DNM3: variants seen among roughly 807,000 people sequenced by gnomAD.
DNM3 encodes dynamin-3.
A neutral mutation model predicts 101.6 loss-of-function variants in DNM3; 47 were observed. The observed-to-expected ratio is 0.46, with a 90% CI of 0.37 to 0.59. DNM3 has a LOEUF of 0.59. Ranked by LOEUF, DNM3 falls within the 20% of genes least tolerant of loss-of-function variation. The probability of loss-of-function intolerance (pLI) is 0.00; values close to 1 mark genes in which losing one functional copy is unlikely to be tolerated. For synonymous variants in DNM3, 385 were observed against 387.9 expected, an observed-to-expected ratio of 0.99 and a Z score of 0.09; for missense variants, 849 against 1,085.7, an observed-to-expected ratio of 0.78 and a Z score of 3.06.
intron 20 of DNM3, among the ~76,000 whole-genome samples, chr1:172,401,436 C>T (rs944829223): frequency 5.3e-5 from 8 of 152,138 alleles, no homozygotes. Flanking sequence ...ATTATATTAC[C>T]ATTTATGTCA....
chr1:172,167,965 C>G (rs2058811525), intron 14 of DNM3, among the ~76,000 whole-genome samples: 1 of 151,854 alleles, frequency 6.6e-6, no homozygotes, highest in South Asian at 2.1e-4. Flanking sequence ...AGATTAATTC[C>G]TGACGCTTTG....
At position 172,408,870 on chromosome 1, in the gene DNM3, G is replaced by GAATAATCACATTTATTATAATAATAAAT. The variant is rs2071061141; in HGVS notation, c.*1029_*1030insAATAATCACATTTATTATAATAATAAAT. 1.0e-6 allele frequency: 1 copy of GAATAATCACATTTATTATAATAATAAAT among 985,134 alleles called. No individual in the cohort carries two copies. Among genetic ancestry groups the GAATAATCACATTTATTATAATAATAAAT allele is most frequent in the Non-Finnish European group, 1.2e-6 (1 of 829,866 alleles). The allele number at this position is 985,134 out of a possible 1,614,324, so 61.0% of individuals were successfully genotyped here. A position where few individuals can be genotyped will look rare whatever the true frequency, so the allele number is the denominator to read the frequency against. ...CTAGGCTTTCTTAATAAATCTTGAG[G>GAATAATCACATTTATTATAATAATAAAT]CTATGGGATAATCACATTTAAAGAA... On this transcript the variant is annotated 3_prime_UTR_variant, in exon 21 of 21. Transcript: ENST00000627582.
chr1:172,362,936 C>T (rs1047070042), intron 17 of DNM3, among the ~76,000 whole-genome samples: 1 of 151,842 alleles, frequency 6.6e-6, no homozygotes, highest in Non-Finnish European at 1.5e-5. Context: ...TCTAAAGTAG[C>T]CTGGGATGAT....
At chr1:172,407,005 C>T (rs1464014627) in intron 20 of DNM3, among the ~76,000 whole-genome samples, 1 of 151,770 alleles carries the variant, frequency 6.6e-6, no homozygotes, top group Non-Finnish European at 1.5e-5. Flanking sequence ...AATGTAGAAG[C>T]TTGAGGAATA....
At chr1:171,973,564 G>C (rs540574985) in intron 2 of DNM3, among the ~76,000 whole-genome samples, 2 of 151,982 alleles carry the variant, frequency 1.3e-5, no homozygotes, top group Admixed American at 1.3e-4. Context: ...CTATGAAAGA[G>C]ACACTATTTT....
chr1:172,133,010 G>T (rs2057023746), intron 14 of DNM3: 1 of 1,519,224 alleles, frequency 6.6e-7, no homozygotes, highest in African/African-American at 1.4e-5. Context: ...ACAAATAAAG[G>T]CAAGAATCCC....
chr1:172,226,788 G>C (rs2061138694), intron 14 of DNM3, among the ~76,000 whole-genome samples: 1 of 152,044 alleles, frequency 6.6e-6, no homozygotes, highest in African/African-American at 2.4e-5. Flanking sequence ...CGATAATGAT[G>C]CAAGTCATAT....
At chr1:172,026,100 G>C (rs1453627009) in intron 4 of DNM3, among the ~76,000 whole-genome samples, 1 of 152,112 alleles carries the variant, frequency 6.6e-6, no homozygotes, top group African/African-American at 2.4e-5. Flanking sequence ...AACCAGTTTA[G>C]AGAAGAACAT....
At chr1:172,314,210 C>G (rs995858441) in intron 16 of DNM3, among the ~76,000 whole-genome samples, 1 of 152,166 alleles carries the variant, frequency 6.6e-6, no homozygotes, top group Non-Finnish European at 1.5e-5. Flanking sequence ...ACCCAAATGC[C>G]CATCAACGAT....
intron 14 of DNM3, among the ~76,000 whole-genome samples, chr1:172,178,632 T>A (rs1287459512): frequency 6.6e-6 from 1 of 151,336 alleles, no homozygotes; most frequent in Admixed American, 6.6e-5. Context: ...AGAGAAAGGG[T>A]GTGCAAGAGA....
intron 14 of DNM3, among the ~76,000 whole-genome samples, chr1:172,142,494 A>G (rs556333419): frequency 3.6e-4 from 55 of 152,218 alleles, no homozygotes; most frequent in African/African-American, 1.3e-3. Flanking sequence ...AAGCATGTGC[A>G]GGAACTCCTT....
At chr1:172,013,795 G>A (rs2047276498) in intron 4 of DNM3, among the ~76,000 whole-genome samples, 1 of 152,076 alleles carries the variant, frequency 6.6e-6, no homozygotes, top group South Asian at 2.1e-4. Context: ...TTTGACTGAG[G>A]CTTAGTATTG....
At chr1:172,393,565 G>GA (rs1412183197) in intron 20 of DNM3, 1 of 152,114 alleles carries the variant, frequency 6.6e-6, no homozygotes, top group East Asian at 2.0e-4. Flanking sequence ...GTCATGTACT[G>GA]AAAACCTCCT....
At chr1:172,039,579 A>G (rs1213777367) in intron 7 of DNM3, among the ~76,000 whole-genome samples, 1 of 151,948 alleles carries the variant, frequency 6.6e-6, no homozygotes, top group African/African-American at 2.4e-5. Context: ...TTTAGGCCCT[A>G]GGTCATTATC....
intron 3 of DNM3, among the ~76,000 whole-genome samples, chr1:171,988,340 G>A (rs1484775311): frequency 6.6e-6 from 1 of 152,002 alleles, no homozygotes; most frequent in East Asian, 1.9e-4. Context: ...TAGCTCTATT[G>A]CTTTTAAAAC....
chr1:171,874,556 A>T (rs1374183229), intron 1 of DNM3, among the ~76,000 whole-genome samples: 1 of 152,222 alleles, frequency 6.6e-6, no homozygotes, highest in Non-Finnish European at 1.5e-5. Flanking sequence ...TATCATCAAA[A>T]TATAATATTC....
intron 2 of DNM3, among the ~76,000 whole-genome samples, chr1:171,934,099 T>C (rs2041234043): frequency 1.3e-5 from 2 of 152,248 alleles, no homozygotes; most frequent in Non-Finnish European, 2.9e-5. Context: ...CTCCTAGTTG[T>C]GATGAAAATG....
chr1:172,169,143 A>G (rs2058856582), intron 14 of DNM3, among the ~76,000 whole-genome samples: 1 of 151,748 alleles, frequency 6.6e-6, no homozygotes, highest in African/African-American at 2.4e-5. Context: ...ATCCTTCCCT[A>G]TTTCTGCAAT....
At chr1:172,131,954 C>T (rs2056960457) in intron 14 of DNM3, 1 of 180,760 alleles carries the variant, frequency 5.5e-6, no homozygotes, top group African/African-American at 2.4e-5. Context: ...ATTAGTCTTA[C>T]AGAACCATTT....
Sources: allele counts gnomAD v4.1 joint callset (sites outside exome capture counted in the v4.1 genomes callset), GRCh38; gene constraint gnomAD v4.1.1; transcripts MANE v1.5; gene names NCBI Gene and HGNC (gene_info 2026-07-23, HGNC 2026-07-21).